The following NCS1 variants were observed in gnomAD, a reference collection of about 807,000 sequenced individuals.
The protein encoded by NCS1 is frequenin homolog.
A neutral mutation model predicts 28.4 loss-of-function variants in NCS1; 6 were observed. The observed-to-expected ratio is 0.21, with a 90% CI of 0.12 to 0.42. NCS1 has a LOEUF of 0.42. NCS1 is among the 10% of genes least tolerant of loss of function. The probability of loss-of-function intolerance (pLI) is 1.00; values close to 1 mark genes in which losing one functional copy is unlikely to be tolerated. For synonymous variants in NCS1, 86 were observed against 99.3 expected (o/e 0.87, Z 0.79); for missense variants, 131 against 241.4 (o/e 0.54, Z 3.03).
At chr9:130,221,451 G>GAA (rs1554910457) in intron 4 of NCS1, among the ~76,000 whole-genome samples, 91 of 138,022 alleles carry the variant, frequency 6.6e-4, no homozygotes, top group African/African-American at 2.4e-3. Context: ...GAGAGAGAGA[G>GAA]AAAGAGAGAG....
chr9:130,225,323 G>A (rs915671739), intron 6 of NCS1, among the ~76,000 whole-genome samples: 2 of 152,266 alleles, frequency 1.3e-5, no homozygotes, highest in African/African-American at 4.8e-5. Context: ...AAAAAAGGGA[G>A]ATTAGCCCAT....
chr9:130,172,792 G>GC, intron 1 of NCS1, 65 bp downstream of exon 1: 1 of 591,554 alleles, frequency 1.7e-6, no homozygotes, highest in Non-Finnish European at 2.1e-6. Context: ...CCCCGCCCCC[G>GC]CCCCCCGGAC....
intron 2 of NCS1, among the ~76,000 whole-genome samples, chr9:130,211,765 G>A (rs1025405176): frequency 1.3e-5 from 2 of 152,158 alleles, no homozygotes; most frequent in African/African-American, 2.4e-5. Context: ...AGGAGTGGGC[G>A]GTGCAGGTTT....
At position 130,180,773 on chromosome 9, in the gene NCS1, G is replaced by C. The variant is rs71501109; in HGVS notation, c.64+8046G>C. ...AGGCTGCTGGACCGGCTGTATCAGGGACAGCCGTTCTTGGCCACTCCCCTG... is the reference window on the plus strand; with the variant it reads ...AGGCTGCTGGACCGGCTGTATCAGGCACAGCCGTTCTTGGCCACTCCCCTG... On this transcript the variant is annotated intron_variant, in intron 1 of 7. Coordinates refer to ENST00000372398, the MANE Select transcript of NCS1 (RefSeq NM_014286.4). This position sits in a 1 kb window ranked among gnomAD's most constrained non-coding sequence, Gnocchi z 4.5. Among the ~76,000 whole-genome samples, 7,437 of 152,304 alleles carry C rather than the reference G, an allele frequency of 0.049. 266 individuals are homozygous for C. Among genetic ancestry groups the C allele is most frequent in the Non-Finnish European group, 0.072 (4,915 of 68,018 alleles).
At chr9:130,203,465 C>G (rs544828981) in intron 2 of NCS1, among the ~76,000 whole-genome samples, 1 of 152,264 alleles carries the variant, frequency 6.6e-6, no homozygotes, top group Admixed American at 6.5e-5. Context: ...TTCGGGGGAC[C>G]ATGAGAAAGC....
At chr9:130,179,100 T>A (rs969154110) in intron 1 of NCS1, among the ~76,000 whole-genome samples, 1 of 151,186 alleles carries the variant, frequency 6.6e-6, no homozygotes, top group East Asian at 1.9e-4. Context: ...TCCCAGCTAA[T>A]TTTTGTATTT....
chr9:130,229,048 G>T (rs1833459120), intron 7 of NCS1, among the ~76,000 whole-genome samples: 1 of 151,714 alleles, frequency 6.6e-6, no homozygotes, highest in East Asian at 1.9e-4. Flanking sequence ...AAGAGACATT[G>T]AAAATATGTT....
At position 130,202,416 on chromosome 9, in the gene NCS1, C is replaced by T. The variant is rs536326453; in HGVS notation, c.89+1434C>T. Among the ~76,000 whole-genome samples, 4 of 147,928 alleles carry T rather than the reference C, an allele frequency of 2.7e-5. No individual in the cohort carries two copies. In the Admixed American group the frequency reaches 2.8e-4, roughly 10 times the overall value. On this transcript the variant is annotated intron_variant, in intron 2 of 7. Coordinates refer to ENST00000372398, the MANE Select transcript of NCS1 (RefSeq NM_014286.4). ...ACTGCCCTGTGCCTCCCTGGGACAG[C>T]CGATGACTTACTGGGCAGCAGGTAA...
rs1437288275 is a variant in NCS1, at chr9:130,180,683, A to T, written c.64+7956A>T. Among the ~76,000 whole-genome samples the T allele has an allele frequency of 6.6e-6, 1 of 152,092 alleles. No individual in the cohort carries two copies. Among genetic ancestry groups the T allele is most frequent in the African/African-American group, 2.4e-5 (1 of 41,408 alleles). On this transcript the variant is annotated intron_variant, in intron 1 of 7. Coordinates refer to ENST00000372398, the MANE Select transcript of NCS1 (RefSeq NM_014286.4). The surrounding 1 kb of genome is among the most constrained non-coding windows in gnomAD (Gnocchi z 4.5). Reference sequence around the variant, plus strand: ...TGAGCTCTGAGGTCCCTTGCGCATGAGACAGGGATGTTTGCACAGGGATCT... The same window carrying T: ...TGAGCTCTGAGGTCCCTTGCGCATGTGACAGGGATGTTTGCACAGGGATCT...
chr9:130,202,994 GA>G (rs1250304722), intron 2 of NCS1, among the ~76,000 whole-genome samples: 3 of 151,910 alleles, frequency 2.0e-5, no homozygotes, highest in Middle Eastern at 3.4e-3. Flanking sequence ...GGGTTGGGAT[GA>G]ACCATAGGCA....
rs1190851994 is a variant in NCS1 at position 130,215,367 on chromosome 9, G to A, written c.90-2465G>A. Among the ~76,000 whole-genome samples, 13 of 152,280 alleles carry A rather than the reference G, an allele frequency of 8.5e-5. No individual in the cohort carries two copies. The highest frequency in any genetic ancestry group is 3.4e-3 in the Middle Eastern group (1 of 294). On this transcript the variant is annotated intron_variant, in intron 2 of 7. Transcript: ENST00000372398. This position sits in a 1 kb window ranked among gnomAD's most constrained non-coding sequence, Gnocchi z 4.2. ...TGCTGTGGGAAGGGACTTGAGATCC[G>A]TGTGCTTTGCTTCCTTCTTGCTTGG...
At chr9:130,204,764 T>G (rs1210288377) in intron 2 of NCS1, among the ~76,000 whole-genome samples, 1 of 152,198 alleles carries the variant, frequency 6.6e-6, no homozygotes, top group African/African-American at 2.4e-5. Context: ...GAACAGAGTC[T>G]AGGAAACATT....
intron 1 of NCS1, among the ~76,000 whole-genome samples, chr9:130,200,107 G>T (rs1278137993): frequency 6.6e-6 from 1 of 152,158 alleles, no homozygotes; most frequent in African/African-American, 2.4e-5. Flanking sequence ...TGTGTGGCAG[G>T]TGCTGATAAT....
rs1833078161 is a variant in NCS1, at chr9:130,209,289, T to C, written c.89+8307T>C. Among the ~76,000 whole-genome samples, 1 of 152,130 alleles carries C rather than the reference T, an allele frequency of 6.6e-6. No individual in the cohort carries two copies. The highest frequency in any genetic ancestry group is 2.4e-5 in the African/African-American group (1 of 41,418). On this transcript the variant is annotated intron_variant, in intron 2 of 7. Transcript: ENST00000372398. The surrounding 1 kb of genome is among the most constrained non-coding windows in gnomAD (Gnocchi z 4.4). ...CATGGCAGGAAATGCAGGGCTGGCC[T>C]CCCAGCAGGATCCCAGAGGACATGA...
In NCS1 at chr9:130,215,904, C is replaced by T. The variant is rs1833176559; in HGVS notation, c.90-1928C>T. On this transcript the variant is annotated intron_variant, in intron 2 of 7. Coordinates refer to ENST00000372398, the MANE Select transcript of NCS1 (RefSeq NM_014286.4). This position sits in a 1 kb window ranked among gnomAD's most constrained non-coding sequence, Gnocchi z 4.2. ...GTCTGACTCAAGAAGAACTGCCCTCCCTCCCACATCCTGCTCCCTCTTCTC... is the reference window on the plus strand; with the variant it reads ...GTCTGACTCAAGAAGAACTGCCCTCTCTCCCACATCCTGCTCCCTCTTCTC... Among the ~76,000 whole-genome samples, 1 of 152,086 alleles carries T rather than the reference C, an allele frequency of 6.6e-6. No individual in the cohort carries two copies. Among genetic ancestry groups the T allele is most frequent in the Non-Finnish European group, 1.5e-5 (1 of 68,018 alleles).
intron 2 of NCS1, among the ~76,000 whole-genome samples, chr9:130,202,818 G>C (rs1832971405): frequency 6.6e-6 from 1 of 151,878 alleles, no homozygotes; most frequent in Non-Finnish European, 1.5e-5. Context: ...GACCTCAAGT[G>C]ATCCACCCAC....
intron 2 of NCS1, among the ~76,000 whole-genome samples, chr9:130,203,050 G>A (rs1554907619): frequency 2.5e-5 from 1 of 39,718 alleles, no homozygotes. Context: ...GTAAATATGT[G>A]TGTGTGTGTG....
chr9:130,222,090 A>G lies in NCS1; in HGVS notation c.308-560A>G, dbSNP rs201047408. On this transcript the variant is annotated intron_variant, in intron 4 of 7. Coordinates refer to ENST00000372398, the MANE Select transcript of NCS1 (RefSeq NM_014286.4). ...AAATTATGTATCTATAAATATATAT[A>G]TGTGTGTGTGTATATATATATACGT... is the stretch of plus-strand genomic sequence containing the variant. 1.6e-3 allele frequency among the ~76,000 whole-genome samples: 123 copies of G among 78,392 alleles called. 7 individuals carry two copies. The highest frequency in any genetic ancestry group is 4.6e-3 in the African/African-American group (105 of 22,978). The allele number at this position is 78,392 out of a possible 152,430, so 51.4% of individuals were successfully genotyped here. A position where few individuals can be genotyped will look rare whatever the true frequency, so the allele number is the denominator to read the frequency against.
rs1833574861 is a variant in NCS1 at position 130,235,577 on chromosome 9, T to G, written c.*2605T>G. On this transcript the variant is annotated 3_prime_UTR_variant, in exon 8 of 8. Coordinates refer to ENST00000372398, the MANE Select transcript of NCS1 (RefSeq NM_014286.4). Reference sequence around the variant, plus strand: ...CTTCTGGCCTTAGCAGATGGTATGCTTGCGGACCGCAGCCCAGCATGCCGG... The same window carrying G: ...CTTCTGGCCTTAGCAGATGGTATGCGTGCGGACCGCAGCCCAGCATGCCGG... The G allele has an allele frequency of 6.6e-6, 1 of 152,386 alleles. No individual in the cohort carries two copies. The highest frequency in any genetic ancestry group is 2.1e-4 in the South Asian group (1 of 4,842). The allele number at this position is 152,386 out of a possible 1,614,324, so 9.4% of individuals were successfully genotyped here. A position where few individuals can be genotyped will look rare whatever the true frequency, so the allele number is the denominator to read the frequency against.
Sources: allele counts gnomAD v4.1 joint callset (sites outside exome capture counted in the v4.1 genomes callset), GRCh38; gene constraint gnomAD v4.1.1; non-coding constraint Gnocchi (gnomAD v3.1); transcripts MANE v1.5; gene names NCBI Gene and HGNC (gene_info 2026-07-23, HGNC 2026-07-21).